The following TYW1 variants were observed in gnomAD, a reference collection of about 807,000 sequenced individuals.
TYW1 encodes S-adenosyl-L-methionine-dependent tRNA 4-demethylwyosine synthase TYW1.
TYW1 carries 46 observed loss-of-function variants against 96.2 expected under a neutral mutation model. That is an observed-to-expected ratio of 0.48 (90% CI 0.38 to 0.61). The LOEUF is 0.61. TYW1 is among the 20% of genes least tolerant of loss of function. The pLI, the probability that TYW1 is intolerant of heterozygous loss-of-function variation, is 0.00. For missense variants in TYW1, 684 were observed against 909.6 expected (o/e 0.75, Z 3.19); for synonymous variants, 274 against 323.0 (o/e 0.85, Z 1.63).
chr7:67,047,366 G>A (rs1178413751), intron 7 of TYW1, among the ~76,000 whole-genome samples: 1 of 152,142 alleles, frequency 6.6e-6, no homozygotes, highest in Non-Finnish European at 1.5e-5. Context: ...CTTCATCTCA[G>A]AAAACAAAAG....
chr7:67,059,842 G>T (rs1399530342), intron 9 of TYW1, among the ~76,000 whole-genome samples: 1 of 150,718 alleles, frequency 6.6e-6, no homozygotes, highest in Non-Finnish European at 1.5e-5. Context: ...GTGTGATCTC[G>T]GCTCCCTGCA....
intron 11 of TYW1, among the ~76,000 whole-genome samples, chr7:67,096,349 T>A (rs1446019190): frequency 6.6e-6 from 1 of 152,130 alleles, no homozygotes; most frequent in Non-Finnish European, 1.5e-5. Context: ...ATTTTGCCAC[T>A]GCAATCCAGC....
At chr7:67,203,388 C>G (rs1800666289) in intron 15 of TYW1, among the ~76,000 whole-genome samples, 1 of 152,194 alleles carries the variant, frequency 6.6e-6, no homozygotes. Flanking sequence ...CTATGCCAAT[C>G]TATTTTAGAA....
intron 11 of TYW1, among the ~76,000 whole-genome samples, chr7:67,092,183 A>G (rs1445124496): frequency 6.6e-6 from 1 of 151,942 alleles, no homozygotes; most frequent in Non-Finnish European, 1.5e-5. Context: ...CCATTTGAAA[A>G]TCCCTCTTGA....
chr7:67,226,778 G>A (rs952789878), intron 15 of TYW1, among the ~76,000 whole-genome samples: 2 of 152,196 alleles, frequency 1.3e-5, no homozygotes, highest in South Asian at 2.1e-4. Context: ...CTTTTTTGTA[G>A]TCTAAAAATC....
At chr7:67,214,471 C>T (rs955116486) in intron 15 of TYW1, among the ~76,000 whole-genome samples, 1 of 151,994 alleles carries the variant, frequency 6.6e-6, no homozygotes, top group African/African-American at 2.4e-5. Context: ...TTCTTCCTTC[C>T]TAATCTGTAT....
At chr7:67,060,802 C>G (rs1795672349) in intron 9 of TYW1, among the ~76,000 whole-genome samples, 1 of 152,192 alleles carries the variant, frequency 6.6e-6, no homozygotes, top group Non-Finnish European at 1.5e-5. Context: ...TTGGAGAAAG[C>G]TGTTTACAGT....
chr7:67,082,811 G>A (rs557191561), intron 10 of TYW1, among the ~76,000 whole-genome samples: 1 of 152,292 alleles, frequency 6.6e-6, no homozygotes, highest in African/African-American at 2.4e-5. Context: ...GCTAGGTATA[G>A]CTTGGGTTAT....
intron 10 of TYW1, among the ~76,000 whole-genome samples, chr7:67,077,880 C>T (rs1796253268): frequency 6.6e-6 from 1 of 152,144 alleles, no homozygotes; most frequent in African/African-American, 2.4e-5. Flanking sequence ...AGTTTCAGGT[C>T]TTACGTTTAT....
intron 13 of TYW1, among the ~76,000 whole-genome samples, chr7:67,179,679 AC>A (rs199665018): frequency 0.031 from 4,296 of 137,372 alleles, 417 homozygotes; most frequent in East Asian, 0.15. Context: ...TTTTATGGTT[AC>A]TGTTGCCAGT....
intron 12 of TYW1, among the ~76,000 whole-genome samples, chr7:67,101,042 T>G (rs1797071653): frequency 6.6e-6 from 1 of 152,222 alleles, no homozygotes; most frequent in East Asian, 1.9e-4. Context: ...ACTGCTTCTG[T>G]GTCTCTTTGT....
chr7:67,223,627 A>G (rs1584716336), intron 15 of TYW1, among the ~76,000 whole-genome samples: 3 of 150,246 alleles, frequency 2.0e-5, no homozygotes, highest in Admixed American at 1.3e-4. Context: ...TGGCACCCTG[A>G]CTGGCTGCCT....
chr7:67,166,447 A>G (rs1226846074), intron 13 of TYW1, among the ~76,000 whole-genome samples: 1 of 150,978 alleles, frequency 6.6e-6, no homozygotes, highest in Non-Finnish European at 1.5e-5. Flanking sequence ...GAACTGCTGG[A>G]TGAATTATTA....
intron 13 of TYW1, among the ~76,000 whole-genome samples, chr7:67,139,728 G>GGTGTGTGTGTGTGTGT (rs55993805): frequency 2.7e-4 from 37 of 138,516 alleles, no homozygotes; most frequent in African/African-American, 7.1e-4. Flanking sequence ...TGTGTATACA[G>GGTGTGTGTGTGTGTGT]GTGTGTGTGT....
At chr7:67,023,810 C>G (rs4470897) in intron 6 of TYW1, among the ~76,000 whole-genome samples, 16,599 of 152,080 alleles carry the variant, frequency 0.11, 959 homozygotes, top group Middle Eastern at 0.15. Flanking sequence ...AAAAAAATCT[C>G]TCTAACGTTT....
intron 12 of TYW1, among the ~76,000 whole-genome samples, chr7:67,104,307 G>T (rs1194373146): frequency 2.0e-5 from 3 of 152,168 alleles, no homozygotes; most frequent in African/African-American, 7.2e-5. Context: ...CAGGAAGCAC[G>T]GCAGGGGAGG....
At chr7:67,205,493 T>C (rs1310571477) in intron 15 of TYW1, among the ~76,000 whole-genome samples, 5 of 151,596 alleles carry the variant, frequency 3.3e-5, no homozygotes, top group African/African-American at 4.8e-5. Flanking sequence ...TTGTTACTGC[T>C]AGGTGGAGTG....
chr7:67,023,908 C>T (rs1374555291), intron 6 of TYW1, among the ~76,000 whole-genome samples: 7 of 152,192 alleles, frequency 4.6e-5, no homozygotes, highest in Admixed American at 6.5e-5. Flanking sequence ...TTAATTTCCT[C>T]ATCTATGAGA....
intron 13 of TYW1, among the ~76,000 whole-genome samples, chr7:67,132,865 A>G (rs576891951): frequency 1.3e-5 from 2 of 152,328 alleles, no homozygotes; most frequent in South Asian, 2.1e-4. Flanking sequence ...GGAGAAATTC[A>G]TCCTCCTACA....
Sources: allele counts gnomAD v4.1 joint callset (sites outside exome capture counted in the v4.1 genomes callset), GRCh38; gene constraint gnomAD v4.1.1; transcripts MANE v1.5; gene names NCBI Gene and HGNC (gene_info 2026-07-23, HGNC 2026-07-21).